NCOA1: variants seen among roughly 807,000 people sequenced by gnomAD.
NCOA1 encodes Hin-2 protein.
In NCOA1, 35 loss-of-function variants were observed where a neutral mutation model predicts 150.9. That is an observed-to-expected ratio of 0.23 (90% CI 0.18 to 0.31). The LOEUF (loss-of-function observed/expected upper bound fraction) is 0.31. Ranked by LOEUF, NCOA1 falls within the 10% of genes least tolerant of loss-of-function variation. The probability of loss-of-function intolerance (pLI) is 1.00; values close to 1 mark genes in which losing one functional copy is unlikely to be tolerated. For missense variants in NCOA1, 1,491 were observed against 1,749.3 expected (o/e 0.85, Z 2.63); for synonymous variants, 590 against 630.0 (o/e 0.94, Z 0.95).
intron 9 of NCOA1, among the ~76,000 whole-genome samples, chr2:24,692,299 A>G (rs1672701256): frequency 1.3e-5 from 2 of 152,220 alleles, no homozygotes; most frequent in African/African-American, 4.8e-5. Context: ...CCATGTATGT[A>G]GCAGGTCTCA....
intron 11 of NCOA1, among the ~76,000 whole-genome samples, chr2:24,703,590 G>A (rs1348821866): frequency 6.6e-6 from 1 of 152,104 alleles, no homozygotes; most frequent in Admixed American, 6.5e-5. Context: ...AAATTGCCAG[G>A]TGTGTAAAGA....
intron 3 of NCOA1, among the ~76,000 whole-genome samples, chr2:24,607,187 G>C (rs1487525500): frequency 7.6e-6 from 1 of 131,906 alleles, no homozygotes; most frequent in Non-Finnish European, 1.7e-5. Flanking sequence ...GAGGGGTACT[G>C]TGTTTTTTTT....
At chr2:24,639,372 T>C (rs1049746019) in intron 3 of NCOA1, among the ~76,000 whole-genome samples, 1 of 152,140 alleles carries the variant, frequency 6.6e-6, no homozygotes, top group Admixed American at 6.5e-5. Flanking sequence ...ACTATATTTG[T>C]ATGATCTGTG....
intron 2 of NCOA1, among the ~76,000 whole-genome samples, chr2:24,575,868 C>G (rs991928850): frequency 6.6e-6 from 1 of 152,104 alleles, no homozygotes; most frequent in Non-Finnish European, 1.5e-5. Flanking sequence ...CCACCGCTCT[C>G]GGCCGAAGAG....
At chr2:24,581,270 A>G (rs1667182869) in intron 2 of NCOA1, among the ~76,000 whole-genome samples, 1 of 152,240 alleles carries the variant, frequency 6.6e-6, no homozygotes, top group African/African-American at 2.4e-5. Flanking sequence ...CAAGCTCTCC[A>G]TGTGGTCTTC....
At chr2:24,510,896 T>G (rs933601649) in intron 1 of NCOA1, among the ~76,000 whole-genome samples, 1 of 152,224 alleles carries the variant, frequency 6.6e-6, no homozygotes, top group Non-Finnish European at 1.5e-5. Flanking sequence ...GTGTACAATT[T>G]GGCAGCTTTT....
At chr2:24,764,804 G>A (rs531133979) in intron 22 of NCOA1, among the ~76,000 whole-genome samples, 35 of 152,258 alleles carry the variant, frequency 2.3e-4, no homozygotes, top group African/African-American at 8.4e-4. Context: ...AGAAGGTGAA[G>A]GAAGATATAT....
intron 1 of NCOA1, among the ~76,000 whole-genome samples, chr2:24,526,215 A>G (rs1485725445): frequency 6.6e-6 from 1 of 152,064 alleles, no homozygotes; most frequent in Non-Finnish European, 1.5e-5. Flanking sequence ...TCAGATTAGA[A>G]TGGGTCTGTT....
rs540353392 is a variant in NCOA1, at chr2:24,492,613, C to T, written c.-396+1011C>T. Among the ~76,000 whole-genome samples the T allele has an allele frequency of 3.3e-5, 5 of 152,288 alleles. No homozygotes were observed. In the South Asian group the frequency reaches 1.0e-3, roughly 32 times the overall value. On this transcript the variant is annotated intron_variant, in intron 1 of 22. Transcript: ENST00000348332. ...CTGGAGGATCTGTTAGCCTCTCATG[C>T]TTGGCCCTCCTCGTTTCTTGTAGAG...
chr2:24,618,405 C>CA (rs1263818964), intron 3 of NCOA1, among the ~76,000 whole-genome samples: 1 of 152,158 alleles, frequency 6.6e-6, no homozygotes, highest in African/African-American at 2.4e-5. Flanking sequence ...TATTAAATCT[C>CA]AAAAACCATC....
At chr2:24,555,184 G>A (rs982790372) in intron 1 of NCOA1, among the ~76,000 whole-genome samples, 6 of 152,048 alleles carry the variant, frequency 3.9e-5, no homozygotes, top group African/African-American at 1.4e-4. Context: ...TCAATTAAAA[G>A]TATTTTCTAA....
chr2:24,511,730 A>C (rs1421956005), intron 1 of NCOA1, among the ~76,000 whole-genome samples: 4 of 151,894 alleles, frequency 2.6e-5, no homozygotes, highest in South Asian at 2.1e-4. Flanking sequence ...AATTTTGATA[A>C]GTCCAATTTA....
chr2:24,523,626 A>AAAAAAAAAAAAC, intron 1 of NCOA1, among the ~76,000 whole-genome samples: 2 of 126,394 alleles, frequency 1.6e-5, no homozygotes, highest in Non-Finnish European at 3.4e-5. Context: ...AAAAAAAAAA[A>AAAAAAAAAAAAC]AAAAGAAACT....
chr2:24,503,071 T>C (rs1250915906), intron 1 of NCOA1, among the ~76,000 whole-genome samples: 2 of 152,224 alleles, frequency 1.3e-5, no homozygotes, highest in African/African-American at 4.8e-5. Flanking sequence ...TGTCAAGTCA[T>C]ATTGATTAAA....
intron 1 of NCOA1, among the ~76,000 whole-genome samples, chr2:24,552,172 T>C (rs1665854609): frequency 6.6e-6 from 1 of 151,390 alleles, no homozygotes; most frequent in African/African-American, 2.4e-5. Flanking sequence ...AGCTTGTCAG[T>C]TTTTTTAAAA....
At chr2:24,608,709 T>G (rs1332911873) in intron 3 of NCOA1, among the ~76,000 whole-genome samples, 8 of 150,174 alleles carry the variant, frequency 5.3e-5, no homozygotes, top group African/African-American at 1.2e-4. Flanking sequence ...GTTGTGTTTT[T>G]TTTTTTTTTT....
At chr2:24,536,385 A>G (rs568831113) in intron 1 of NCOA1, among the ~76,000 whole-genome samples, 16 of 152,152 alleles carry the variant, frequency 1.1e-4, no homozygotes, top group South Asian at 2.1e-4. Flanking sequence ...CTTCCTTGCA[A>G]TGGGTTAGAA....
At chr2:24,746,281 G>A (rs757765908) in intron 19 of NCOA1, among the ~76,000 whole-genome samples, 1 of 152,204 alleles carries the variant, frequency 6.6e-6, no homozygotes, top group Non-Finnish European at 1.5e-5. Flanking sequence ...GGTGGCTCAC[G>A]CCTGTAATGC....
intron 3 of NCOA1, among the ~76,000 whole-genome samples, chr2:24,641,668 G>T (rs1275753623): frequency 3.3e-5 from 5 of 152,086 alleles, no homozygotes; most frequent in Non-Finnish European, 5.9e-5. Flanking sequence ...GCATTTTAAT[G>T]GAAGAAATTA....
Sources: allele counts gnomAD v4.1 joint callset (sites outside exome capture counted in the v4.1 genomes callset), GRCh38; gene constraint gnomAD v4.1.1; transcripts MANE v1.5; gene names NCBI Gene and HGNC (gene_info 2026-07-23, HGNC 2026-07-21).